Variants in RUSC2 observed in about 807,000 individuals in gnomAD.
RUSC2 encodes the protein RUN and SH3 domain containing 2, also known as AP-4 complex accessory subunit RUSC2.
RUSC2 carries 34 observed loss-of-function variants against 122.2 expected under a neutral mutation model. The ratio of observed to expected loss-of-function variants is 0.28; its 90% confidence interval spans 0.21 to 0.37. The LOEUF (loss-of-function observed/expected upper bound fraction) is 0.37, where lower values mean the gene tolerates loss of function less well. Among genes scored for constraint, RUSC2 ranks in the 10% least tolerant of loss-of-function variants. The pLI is 1.00. For missense variants in RUSC2, 1,747 were observed against 1,952.4 expected, an observed-to-expected ratio of 0.89 and a Z score of 1.98; for synonymous variants, 784 against 790.0, an observed-to-expected ratio of 0.99 and a Z score of 0.13.
At chr9:35,505,214 T>C (rs1820891025) in intron 1 of RUSC2, among the ~76,000 whole-genome samples, 1 of 152,224 alleles carries the variant, frequency 6.6e-6, no homozygotes, top group Non-Finnish European at 1.5e-5. Context: ...TTTCATAATA[T>C]CTATATGGTT....
At chr9:35,519,007 C>T (rs2132514738) in intron 1 of RUSC2, among the ~76,000 whole-genome samples, 1 of 152,338 alleles carries the variant, frequency 6.6e-6, no homozygotes, top group Non-Finnish European at 1.5e-5. Flanking sequence ...CTATAAGCAA[C>T]AGCTTTCAAC....
In RUSC2 at chr9:35,558,713, G is replaced by A; in HGVS notation, c.3341+146G>A. Reference sequence around the variant, plus strand: ...CTCAGCCCGCTATGGCCTCTCAGTAGGTCACTGCCTCCCCACTGTGCCCAT... The same window carrying A: ...CTCAGCCCGCTATGGCCTCTCAGTAAGTCACTGCCTCCCCACTGTGCCCAT... On this transcript the variant is annotated intron_variant, in intron 8 of 11. Transcript: ENST00000361226. The surrounding 1 kb of genome is among the most constrained non-coding windows in gnomAD (Gnocchi z 4.3). 1.5e-6 allele frequency: 1 copy of A among 671,210 alleles called. No individual in the cohort carries two copies. The highest frequency in any genetic ancestry group is 2.6e-6 in the Non-Finnish European group (1 of 380,250). 41.6% of individuals were successfully genotyped at this position (671,210 alleles called of 1,614,324 possible). A position where few individuals can be genotyped will look rare whatever the true frequency, so the allele number is the denominator to read the frequency against.
chr9:35,536,808 C>CA (rs67604535), intron 1 of RUSC2, among the ~76,000 whole-genome samples: 3,864 of 69,652 alleles, frequency 0.055, 243 homozygotes, highest in Admixed American at 0.092. Flanking sequence ...GAGTGAAACT[C>CA]AAAAAAAAAA....
At chr9:35,556,768 A>C (rs933046146) in intron 5 of RUSC2, among the ~76,000 whole-genome samples, 1 of 152,252 alleles carries the variant, frequency 6.6e-6, no homozygotes, top group African/African-American at 2.4e-5. Flanking sequence ...TGGAGGTTGC[A>C]GTGAGCCAAG....
Position 35,556,104 on chromosome 9 carries a change from A to G in RUSC2, c.2809A>G (p.Ser937Gly). 3 of 1,614,192 alleles carry G rather than the reference A, an allele frequency of 1.9e-6. No homozygotes were observed. Among genetic ancestry groups the G allele is most frequent in the Non-Finnish European group, 1.7e-6 (2 of 1,180,012 alleles). ...TATCTTTGAGTTCCCTGGCTCCCTC[A>G]GTGCTGCCAGCCATCTGAACTGCCG... ...NPIFEFPGSLSAASHLNCRLN... is the reference protein window; with the variant it reads ...NPIFEFPGSLGAASHLNCRLN... Residue 937 changes from serine (S) to glycine (G), a missense_variant, in exon 4 of 12, where the codon AGT becomes GGT. By Grantham distance (56) the Ser-to-Gly change is moderately conservative. Coordinates refer to ENST00000361226, the MANE Select transcript of RUSC2 (RefSeq NM_014806.5).
chr9:35,536,965 A>G (rs555715268), intron 1 of RUSC2, among the ~76,000 whole-genome samples: 1 of 152,224 alleles, frequency 6.6e-6, no homozygotes, highest in South Asian at 2.1e-4. Flanking sequence ...AGGGAGATGA[A>G]TCTGGTAGTA....
intron 1 of RUSC2, among the ~76,000 whole-genome samples, chr9:35,533,708 T>A (rs1821468098): frequency 6.6e-6 from 1 of 152,228 alleles, no homozygotes; most frequent in African/African-American, 2.4e-5. Context: ...ATCATGTAAA[T>A]GGAATGAAAC....
intron 1 of RUSC2, among the ~76,000 whole-genome samples, chr9:35,532,412 G>T (rs1036409115): frequency 6.6e-6 from 1 of 152,188 alleles, no homozygotes; most frequent in Non-Finnish European, 1.5e-5. Flanking sequence ...AACGAAGAAA[G>T]AATTATCTAA....
Position 35,547,511 on chromosome 9 carries a change from G to A in RUSC2, c.990G>A (p.Glu330=), listed in dbSNP as rs781390559. ...TGGATCTGCAGCCCTCCCCATTTGA[G>A]TCTAAGATGTCTTATGAGTCCCATC... ...FYLDLQPSPF[E]SKMSYESHHP... Residue 330 remains glutamate (E), a synonymous_variant, in exon 2 of 12, where the codon GAG becomes GAA. Coordinates refer to ENST00000361226, the MANE Select transcript of RUSC2 (RefSeq NM_014806.5). The surrounding 1 kb of genome is among the most constrained non-coding windows in gnomAD (Gnocchi z 4.6). 7.4e-6 allele frequency: 12 copies of A among 1,614,028 alleles called. No individual in the cohort carries two copies. The African/African-American group carries it at 1.6e-4, about 22-fold the overall frequency.
intron 1 of RUSC2, among the ~76,000 whole-genome samples, chr9:35,495,030 T>TATATATACTGTAGTATATATA (rs1820656318): frequency 1.2e-5 from 1 of 86,742 alleles, no homozygotes; most frequent in Non-Finnish European, 2.2e-5. Flanking sequence ...TTTTATATAT[T>TATATATACTGTAGTATATATA]ATATATACTA....
chr9:35,492,046 T>A (rs1820578159), intron 1 of RUSC2, among the ~76,000 whole-genome samples: 1 of 151,908 alleles, frequency 6.6e-6, no homozygotes, highest in Admixed American at 6.6e-5. Flanking sequence ...GCAATACAAT[T>A]TTTTTTTAAC....
chr9:35,542,892 T>A (rs1229717900), intron 1 of RUSC2, among the ~76,000 whole-genome samples: 1 of 152,220 alleles, frequency 6.6e-6, no homozygotes, highest in East Asian at 1.9e-4. Context: ...GTAATGGTTT[T>A]GTGGCAGAAT....
intron 1 of RUSC2, among the ~76,000 whole-genome samples, chr9:35,533,246 CA>C (rs67387968): frequency 5.9e-4 from 73 of 122,914 alleles, no homozygotes; most frequent in African/African-American, 6.1e-4. Context: ...GACTCTGTCT[CA>C]AAAAAAAAAA....
intron 1 of RUSC2, among the ~76,000 whole-genome samples, chr9:35,499,819 A>G (rs1424826735): frequency 6.6e-6 from 1 of 152,196 alleles, no homozygotes; most frequent in East Asian, 1.9e-4. Flanking sequence ...AAGTTCTCCT[A>G]AAGGCAGCAT....
intron 1 of RUSC2, among the ~76,000 whole-genome samples, chr9:35,505,079 T>A (rs956261438): frequency 4.6e-5 from 7 of 152,206 alleles, no homozygotes; most frequent in South Asian, 2.1e-4. Context: ...CAATTTTTTT[T>A]AAATCTTAGT....
Position 35,560,302 on chromosome 9 carries a change from A to G in RUSC2, c.3662A>G (p.Asp1221Gly). 1 of 1,599,376 alleles carries G rather than the reference A, an allele frequency of 6.3e-7. No individual in the cohort carries two copies. The highest frequency in any genetic ancestry group is 8.5e-7 in the Non-Finnish European group (1 of 1,172,168). ...ARGQEGPGDV[D>G]RAAQGERVKG... ...GGCCAGGAGGGCCCTGGAGACGTGG[A>G]CAGGGCAGCCCAAGGGGAGCGGGTG... The change falls in exon 10 of 12, where the codon GAC (aspartate) becomes GGC (glycine). Residue 1221 changes from aspartate to glycine, a missense_variant. Coordinates refer to ENST00000361226, the MANE Select transcript of RUSC2 (RefSeq NM_014806.5).
chr9:35,530,872 C>A (rs1257017421), intron 1 of RUSC2, among the ~76,000 whole-genome samples: 2 of 152,056 alleles, frequency 1.3e-5, no homozygotes, highest in Non-Finnish European at 2.9e-5. Flanking sequence ...ATCCTGACCT[C>A]AAGTGATCTG....
chr9:35,497,505 T>C (rs914182929), intron 1 of RUSC2, among the ~76,000 whole-genome samples: 2 of 152,184 alleles, frequency 1.3e-5, no homozygotes, highest in Non-Finnish European at 2.9e-5. Flanking sequence ...ACCAGCCATA[T>C]ATCCGAATAC....
At chr9:35,502,157 C>G (rs928657270) in intron 1 of RUSC2, among the ~76,000 whole-genome samples, 2 of 152,146 alleles carry the variant, frequency 1.3e-5, no homozygotes, top group African/African-American at 4.8e-5. Flanking sequence ...TTTATCTGTG[C>G]TTAATAAGTT....
Sources: gnomAD v4.1 joint callset for allele counts (sites outside exome capture counted in the v4.1 genomes callset) on GRCh38, gnomAD v4.1.1 for gene constraint, Gnocchi (gnomAD v3.1) non-coding constraint, MANE v1.5 for transcripts, NCBI Gene and HGNC (gene_info 2026-07-23, HGNC 2026-07-21) for gene names.